Variants in RIC8B observed in about 807,000 individuals in gnomAD.
RIC8B encodes chaperone Ric-8B.
In RIC8B, 16 loss-of-function variants were observed where a neutral mutation model predicts 57.5. The observed-to-expected ratio is 0.28, with a 90% CI of 0.19 to 0.42. The LOEUF is 0.42. Ranked by LOEUF, RIC8B falls within the 10% of genes least tolerant of loss-of-function variation. RIC8B has a pLI of 1.00. For missense variants in RIC8B, 481 were observed against 677.0 expected, an observed-to-expected ratio of 0.71 and a Z score of 3.21; for synonymous variants, 216 against 250.8, an observed-to-expected ratio of 0.86 and a Z score of 1.31.
At chr12:106,837,639 GTTTT>G (rs375634080) in intron 4 of RIC8B, among the ~76,000 whole-genome samples, 1 of 115,328 alleles carries the variant, frequency 8.7e-6, no homozygotes. Flanking sequence ...AAAATCTTTT[GTTTT>G]TTTTTTTTTT....
At chr12:106,876,709 T>G (rs1950680306) in intron 9 of RIC8B, among the ~76,000 whole-genome samples, 1 of 152,132 alleles carries the variant, frequency 6.6e-6, no homozygotes, top group East Asian at 1.9e-4. Context: ...TACTTTGAGC[T>G]CTTGGTTAAA....
chr12:106,868,287 T>G, intron 8 of RIC8B: 1 of 456,736 alleles, frequency 2.2e-6, no homozygotes, highest in Non-Finnish European at 4.4e-6. Context: ...CAGGCCTGAT[T>G]TTTCAAATTA....
chr12:106,830,927 G>A (rs2046328082), intron 4 of RIC8B, among the ~76,000 whole-genome samples: 1 of 152,012 alleles, frequency 6.6e-6, no homozygotes, highest in African/African-American at 2.4e-5. Context: ...AATAATAATT[G>A]CTAATAGAAT....
At chr12:106,798,012 G>A (rs189338044) in intron 2 of RIC8B, 4 of 710,810 alleles carry the variant, frequency 5.6e-6, no homozygotes, top group Non-Finnish European at 1.0e-5. Flanking sequence ...AGAACATAAA[G>A]CTTTGACATT....
intron 6 of RIC8B, among the ~76,000 whole-genome samples, chr12:106,845,512 T>A (rs1375249214): frequency 6.6e-6 from 1 of 152,238 alleles, no homozygotes; most frequent in African/African-American, 2.4e-5. Context: ...TCATTGCTAC[T>A]TCTGTGGCCA....
intron 4 of RIC8B, among the ~76,000 whole-genome samples, chr12:106,838,634 G>A (rs2046725518): frequency 1.3e-5 from 2 of 151,488 alleles, no homozygotes; most frequent in African/African-American, 4.8e-5. Flanking sequence ...TGATTTCTTG[G>A]GTATGACACC....
At chr12:106,794,564 G>A (rs2044394024) in intron 2 of RIC8B, among the ~76,000 whole-genome samples, 1 of 152,082 alleles carries the variant, frequency 6.6e-6, no homozygotes, top group Non-Finnish European at 1.5e-5. Context: ...TCATTACAAG[G>A]GAAGGTCAAT....
At chr12:106,836,552 T>C (rs2136386990) in intron 4 of RIC8B, among the ~76,000 whole-genome samples, 1 of 152,336 alleles carries the variant, frequency 6.6e-6, no homozygotes, top group East Asian at 1.9e-4. Flanking sequence ...AGGCTAGAAC[T>C]TTAGATTCTC....
intron 4 of RIC8B, among the ~76,000 whole-genome samples, chr12:106,832,977 C>T (rs2136366919): frequency 6.6e-6 from 1 of 152,168 alleles, no homozygotes; most frequent in Middle Eastern, 3.4e-3. Flanking sequence ...CAATATGTGA[C>T]ATGCTGAGAT....
At chr12:106,869,945 C>A (rs558478310) in intron 8 of RIC8B, among the ~76,000 whole-genome samples, 1 of 152,122 alleles carries the variant, frequency 6.6e-6, no homozygotes, top group South Asian at 2.1e-4. Context: ...TCAAAACAAA[C>A]AAACAAAAAC....
At chr12:106,789,561 A>G (rs966601001) in intron 2 of RIC8B, among the ~76,000 whole-genome samples, 1 of 152,130 alleles carries the variant, frequency 6.6e-6, no homozygotes, top group African/African-American at 2.4e-5. Flanking sequence ...TACTTCTTAC[A>G]TGGTGGTGGC....
intron 2 of RIC8B, among the ~76,000 whole-genome samples, chr12:106,792,193 C>G (rs566190554): frequency 6.6e-6 from 1 of 152,278 alleles, no homozygotes; most frequent in South Asian, 2.1e-4. Flanking sequence ...CAAGACTTGA[C>G]TTAGGTCTGG....
At chr12:106,830,924 A>T (rs904847312) in intron 4 of RIC8B, among the ~76,000 whole-genome samples, 1 of 152,180 alleles carries the variant, frequency 6.6e-6, no homozygotes, top group Non-Finnish European at 1.5e-5. Flanking sequence ...TCAAATAATA[A>T]TTGCTAATAG....
rs1394013511 is a variant in RIC8B at position 106,835,678 on chromosome 12, C to T, written c.837-6911C>T. ...TTTCTTTTTTATACCTGGCACCTAG[C>T]ACAAGGCATAGCAAATATTATATTT... On this transcript the variant is annotated intron_variant, in intron 4 of 9. Transcript: ENST00000392837. Among the ~76,000 whole-genome samples, 3 of 152,120 alleles carry T rather than the reference C, an allele frequency of 2.0e-5. No homozygotes were observed. The East Asian group carries it at 5.8e-4, about 29-fold the overall frequency.
rs1206485410 is a variant in RIC8B at position 106,889,129 on chromosome 12, C to G, written c.*3114C>G. On this transcript the variant is annotated 3_prime_UTR_variant, in exon 10 of 10. Coordinates refer to ENST00000392837, the MANE Select transcript of RIC8B (RefSeq NM_001330145.2). ...AGAAAATAAAATTAATAATTTACCC[C>G]AAATCCCACCATCCTGAGATCATCA... 2 of 152,022 alleles carry G rather than the reference C, an allele frequency of 1.3e-5. No homozygotes were observed. Among genetic ancestry groups the G allele is most frequent in the Admixed American group, 1.3e-4 (2 of 15,266 alleles). 9.4% of individuals were successfully genotyped at this position (152,022 alleles called of 1,614,324 possible).
intron 4 of RIC8B, among the ~76,000 whole-genome samples, chr12:106,841,634 T>C (rs1948954076): frequency 6.6e-6 from 1 of 152,150 alleles, no homozygotes; most frequent in Non-Finnish European, 1.5e-5. Context: ...ATGTGGTTAT[T>C]TTTAGATCTG....
chr12:106,871,007 C>T (rs1273690695), intron 9 of RIC8B, 65 bp downstream of exon 9: 2 of 1,466,422 alleles, frequency 1.4e-6, no homozygotes, highest in East Asian at 5.0e-5. Flanking sequence ...GTCTCTCTCA[C>T]TGAGAGTTAC....
intron 8 of RIC8B, among the ~76,000 whole-genome samples, chr12:106,864,319 A>G (rs189545614): frequency 4.9e-4 from 75 of 152,242 alleles, no homozygotes; most frequent in Admixed American, 2.6e-3. Context: ...TGAATAGAGT[A>G]ACTTACCTCC....
In RIC8B at chr12:106,888,349, G is replaced by C. The variant is rs1951268125; in HGVS notation, c.*2334G>C. 6.6e-6 allele frequency: 1 copy of C among 152,254 alleles called. No individual in the cohort carries two copies. The highest frequency in any genetic ancestry group is 1.5e-5 in the Non-Finnish European group (1 of 68,052). 9.4% of individuals were successfully genotyped at this position (152,254 alleles called of 1,614,324 possible). ...GCACACAGAAAGAGAACTAATATCT[G>C]TTAAGTGCTTACTACATGCTGGGCT... On this transcript the variant is annotated 3_prime_UTR_variant, in exon 10 of 10. Coordinates refer to ENST00000392837, the MANE Select transcript of RIC8B (RefSeq NM_001330145.2).
Sources: gnomAD v4.1 joint callset for allele counts (sites outside exome capture counted in the v4.1 genomes callset) on GRCh38, gnomAD v4.1.1 for gene constraint, MANE v1.5 for transcripts, NCBI Gene and HGNC (gene_info 2026-07-23, HGNC 2026-07-21) for gene names.